PIK3C2G: variants seen among roughly 807,000 people sequenced by gnomAD.
PIK3C2G encodes the protein phosphatidylinositol-4-phosphate 3-kinase catalytic subunit type 2 gamma.
Under a neutral mutation model 181.1 loss-of-function variants are expected in PIK3C2G, and 168 were observed. The observed-to-expected ratio is 0.93, with a 90% CI of 0.82 to 1.05. The LOEUF is 1.05. Ranked by LOEUF, PIK3C2G falls within the 50% of genes least tolerant of loss-of-function variation. PIK3C2G has a pLI of 0.00. For synonymous variants in PIK3C2G, 573 were observed against 592.2 expected, an observed-to-expected ratio of 0.97 and a Z score of 0.47; for missense variants, 1,869 against 1,732.8, an observed-to-expected ratio of 1.08 and a Z score of -1.40.
intron 18 of PIK3C2G, among the ~76,000 whole-genome samples, chr12:18,469,000 T>C (rs145501586): frequency 6.6e-6 from 1 of 152,250 alleles, no homozygotes; most frequent in Non-Finnish European, 1.5e-5. Flanking sequence ...AACATGATTT[T>C]ATTCCTCTGA....
intron 32 of PIK3C2G, among the ~76,000 whole-genome samples, chr12:18,641,886 A>C (rs1281020278): frequency 2.0e-5 from 3 of 151,886 alleles, no homozygotes; most frequent in African/African-American, 7.3e-5. Flanking sequence ...AGTAACTGAG[A>C]TTACAAGCTC....
chr12:18,503,988 A>G (rs1284741544), intron 23 of PIK3C2G, among the ~76,000 whole-genome samples: 1 of 152,126 alleles, frequency 6.6e-6, no homozygotes, highest in African/African-American at 2.4e-5. Context: ...TGTGGCTAGA[A>G]CCAGTCCTTG....
chr12:18,674,394 A>G, the PIK3C2G span, among the ~76,000 whole-genome samples: 1 of 115,812 alleles, frequency 8.6e-6, no homozygotes, highest in Non-Finnish European at 2.1e-5. Flanking sequence ...TGTGAGATTT[A>G]TGACAGTGGA....
At chr12:18,665,902 T>A in the PIK3C2G span, among the ~76,000 whole-genome samples, 1 of 146,422 alleles carries the variant, frequency 6.8e-6, no homozygotes. Context: ...GCCATTGTAC[T>A]CCAGCCTGGG....
chr12:18,347,925 TA>T (rs1939832548), intron 11 of PIK3C2G, among the ~76,000 whole-genome samples: 1 of 151,892 alleles, frequency 6.6e-6, no homozygotes, highest in African/African-American at 2.4e-5. Flanking sequence ...CCTATGTATA[TA>T]AAAAACACTA....
intron 11 of PIK3C2G, chr12:18,358,681 T>A (rs1023868240): frequency 8.1e-6 from 4 of 492,776 alleles, no homozygotes; most frequent in Non-Finnish European, 1.6e-5. Flanking sequence ...TCCCACAAAA[T>A]CCTCATCTCT....
At chr12:18,384,265 A>C (rs1943033013) in intron 14 of PIK3C2G, among the ~76,000 whole-genome samples, 1 of 152,192 alleles carries the variant, frequency 6.6e-6, no homozygotes, top group African/African-American at 2.4e-5. Flanking sequence ...TATATAGGGA[A>C]ACAGAGACAG....
chr12:18,459,781 G>A (rs2121670), intron 18 of PIK3C2G, among the ~76,000 whole-genome samples: 1 of 152,212 alleles, frequency 6.6e-6, no homozygotes, highest in East Asian at 1.9e-4. Flanking sequence ...CTGAAACTAA[G>A]ACTAGAGTCT....
intron 6 of PIK3C2G, among the ~76,000 whole-genome samples, chr12:18,315,826 T>C (rs1950835601): frequency 6.6e-6 from 1 of 152,100 alleles, no homozygotes; most frequent in Admixed American, 6.6e-5. Context: ...ATTTGCAGTA[T>C]ATTCTCAAAG....
intron 12 of PIK3C2G, among the ~76,000 whole-genome samples, chr12:18,365,304 T>A (rs1941563151): frequency 6.6e-6 from 1 of 152,232 alleles, no homozygotes; most frequent in Non-Finnish European, 1.5e-5. Flanking sequence ...TTCTGCTCCA[T>A]CCTCCTGCCA....
chr12:18,292,997 CAT>C (rs1949779065), intron 4 of PIK3C2G, among the ~76,000 whole-genome samples: 1 of 152,106 alleles, frequency 6.6e-6, no homozygotes, highest in South Asian at 2.1e-4. Context: ...TGAGTCCATT[CAT>C]CTTTGAAACT....
At chr12:18,494,481 C>T (rs1940841022) in intron 20 of PIK3C2G, among the ~76,000 whole-genome samples, 1 of 151,776 alleles carries the variant, frequency 6.6e-6, no homozygotes, top group South Asian at 2.1e-4. Flanking sequence ...CTTTTTTTAG[C>T]ATATAATGTG....
chr12:18,587,237 C>A (rs1049393840), intron 29 of PIK3C2G, among the ~76,000 whole-genome samples: 3 of 151,972 alleles, frequency 2.0e-5, no homozygotes, highest in Non-Finnish European at 4.4e-5. Flanking sequence ...AAATAAAGGG[C>A]ATCCAAATAG....
chr12:18,650,769 A>C (rs1334455533), downstream of PIK3C2G, among the ~76,000 whole-genome samples: 5 of 113,162 alleles, frequency 4.4e-5, no homozygotes, highest in East Asian at 1.4e-3. Context: ...TATATATTCC[A>C]GTCCATCAGG....
chr12:18,307,568 GT>G (rs1368075637), intron 5 of PIK3C2G, among the ~76,000 whole-genome samples: 2 of 151,988 alleles, frequency 1.3e-5, no homozygotes, highest in Admixed American at 6.6e-5. Context: ...AATTCCCAGT[GT>G]GGCCTTTTCT....
intron 15 of PIK3C2G, among the ~76,000 whole-genome samples, chr12:18,395,424 T>C (rs548822461): frequency 6.6e-6 from 1 of 150,494 alleles, no homozygotes; most frequent in African/African-American, 2.4e-5. Context: ...TAAAATTATG[T>C]TGCAAAAATT....
intron 15 of PIK3C2G, among the ~76,000 whole-genome samples, chr12:18,394,298 T>TA (rs1231022655): frequency 4.6e-5 from 7 of 151,858 alleles, no homozygotes; most frequent in East Asian, 3.9e-4. Context: ...AACTGTCTAC[T>TA]AAAAAAAATG....
At chr12:18,590,789 C>G (rs1359271190) in intron 29 of PIK3C2G, among the ~76,000 whole-genome samples, 16 of 151,876 alleles carry the variant, frequency 1.1e-4, no homozygotes. Flanking sequence ...TCTCTTGACT[C>G]TGGATCTTGT....
At chr12:18,629,296 A>G (rs1949240795) in intron 31 of PIK3C2G, among the ~76,000 whole-genome samples, 1 of 152,186 alleles carries the variant, frequency 6.6e-6, no homozygotes, top group South Asian at 2.1e-4. Context: ...CAAAAATGTA[A>G]CTTTAGCTCA....
Sources: gnomAD v4.1 joint callset for allele counts (sites outside exome capture counted in the v4.1 genomes callset) on GRCh38, gnomAD v4.1.1 for gene constraint, MANE v1.5 for transcripts, NCBI Gene and HGNC (gene_info 2026-07-23, HGNC 2026-07-21) for gene names.